Variants in KLHL2 observed in about 807,000 individuals in gnomAD.
KLHL2 encodes the protein kelch like family member 2, also known as kelch-like protein 2.
KLHL2 carries 15 observed loss-of-function variants against 75.8 expected under a neutral mutation model. The observed-to-expected ratio is 0.20, with a 90% CI of 0.13 to 0.30. The LOEUF (loss-of-function observed/expected upper bound fraction) is 0.30, where lower values mean the gene tolerates loss of function less well. Among genes scored for constraint, KLHL2 ranks in the 10% least tolerant of loss-of-function variants. The pLI is 1.00. For missense variants in KLHL2, 381 were observed against 741.0 expected (o/e 0.51, Z 5.64); for synonymous variants, 214 against 251.9 (o/e 0.85, Z 1.42).
intron 6 of KLHL2, 71 bp from the exon 7 acceptor site, chr4:165,297,538 C>T: frequency 1.1e-6 from 1 of 874,020 alleles, no homozygotes; most frequent in Non-Finnish European, 2.0e-6. Context: ...AAAATGTAGT[C>T]TCATATTTTA....
intron 5 of KLHL2, among the ~76,000 whole-genome samples, chr4:165,276,089 C>T (rs1345663386): frequency 6.6e-6 from 1 of 152,212 alleles, no homozygotes; most frequent in Non-Finnish European, 1.5e-5. Flanking sequence ...GATCACACCA[C>T]TGCACTGTAG....
chr4:165,243,830 G>C (rs918721016), intron 4 of KLHL2, among the ~76,000 whole-genome samples: 5 of 152,220 alleles, frequency 3.3e-5, no homozygotes, highest in African/African-American at 1.2e-4. Flanking sequence ...TGTTGACATA[G>C]TTGAAAAAGC....
At chr4:165,306,268 G>A (rs140205521) in intron 9 of KLHL2, among the ~76,000 whole-genome samples, 65 of 152,268 alleles carry the variant, frequency 4.3e-4, no homozygotes, top group African/African-American at 1.5e-3. Flanking sequence ...GTAATGGAAC[G>A]TTTCTATGAT....
rs540190234 is a variant in KLHL2, at chr4:165,281,686, T to C, written c.545-12673T>C. ...TTCATTTCATGATTAGCTTATTTTATTTCCTAGAGGGAAACAGAAAAGTTC... is the reference window on the plus strand; with the variant it reads ...TTCATTTCATGATTAGCTTATTTTACTTCCTAGAGGGAAACAGAAAAGTTC... On this transcript the variant is annotated intron_variant, in intron 5 of 14. Coordinates refer to ENST00000226725, the MANE Select transcript of KLHL2 (RefSeq NM_007246.4). Among the ~76,000 whole-genome samples, 23 of 152,338 alleles carry C rather than the reference T, an allele frequency of 1.5e-4. No individual in the cohort carries two copies. The South Asian group carries it at 4.6e-3, about 30-fold the overall frequency.
intron 8 of KLHL2, among the ~76,000 whole-genome samples, chr4:165,304,533 G>C (rs1745585910): frequency 6.6e-6 from 1 of 151,898 alleles, no homozygotes; most frequent in Non-Finnish European, 1.5e-5. Flanking sequence ...TACAGTTTTT[G>C]ATTTGAGACA....
At chr4:165,281,777 A>G (rs150803334) in intron 5 of KLHL2, among the ~76,000 whole-genome samples, 25 of 152,354 alleles carry the variant, frequency 1.6e-4, no homozygotes, top group African/African-American at 5.1e-4. Context: ...TATTCCACAT[A>G]CATATATGGA....
At chr4:165,292,286 C>T (rs1744574883) in intron 5 of KLHL2, among the ~76,000 whole-genome samples, 1 of 152,074 alleles carries the variant, frequency 6.6e-6, no homozygotes, top group Non-Finnish European at 1.5e-5. Flanking sequence ...TTTGTAAATA[C>T]AAACATTTTA....
chr4:165,295,236 T>C (rs528849428), intron 6 of KLHL2, among the ~76,000 whole-genome samples: 2 of 152,340 alleles, frequency 1.3e-5, no homozygotes, highest in East Asian at 3.9e-4. Context: ...GAAATGAAAC[T>C]TGAGTTTCTC....
chr4:165,280,323 C>T (rs1404407660), intron 5 of KLHL2, among the ~76,000 whole-genome samples: 1 of 152,182 alleles, frequency 6.6e-6, no homozygotes, highest in African/African-American at 2.4e-5. Flanking sequence ...TTGGAATATG[C>T]ATTATTCTCT....
At chr4:165,296,193 T>C (rs1744895462) in intron 6 of KLHL2, among the ~76,000 whole-genome samples, 1 of 152,232 alleles carries the variant, frequency 6.6e-6, no homozygotes, top group Non-Finnish European at 1.5e-5. Context: ...TCAGTTCTTC[T>C]GCACATGGCA....
chr4:165,222,586 A>G (rs1469848896), intron 2 of KLHL2, among the ~76,000 whole-genome samples: 1 of 152,180 alleles, frequency 6.6e-6, no homozygotes, highest in Non-Finnish European at 1.5e-5. Flanking sequence ...CAACAACAAC[A>G]GTATTTTTAA....
At chr4:165,220,210 G>C (rs1351013385) in intron 2 of KLHL2, 151 bp downstream of exon 2, 23 of 1,304,828 alleles carry the variant, frequency 1.8e-5, no homozygotes, top group Non-Finnish European at 1.0e-6. Context: ...AAGGAAAAGA[G>C]CAAATAATTT....
At chr4:165,256,728 C>G (rs1201677089) in intron 4 of KLHL2, among the ~76,000 whole-genome samples, 2 of 152,124 alleles carry the variant, frequency 1.3e-5, no homozygotes, top group African/African-American at 4.8e-5. Context: ...CACCACTTAA[C>G]AAATACATAA....
At chr4:165,220,124 T>C (rs1181248531) in intron 2 of KLHL2, 65 bp downstream of exon 2, 5 of 1,543,808 alleles carry the variant, frequency 3.2e-6, no homozygotes, top group Non-Finnish European at 4.4e-6. Context: ...TTGTTTGTAG[T>C]GAATATATAA....
intron 3 of KLHL2, among the ~76,000 whole-genome samples, chr4:165,235,248 T>C (rs1739240025): frequency 6.6e-6 from 1 of 152,288 alleles, no homozygotes; most frequent in Non-Finnish European, 1.5e-5. Context: ...TCACCCAGGC[T>C]AGAGTGCAGT....
chr4:165,220,402 AT>A (rs1737892423), intron 2 of KLHL2, among the ~76,000 whole-genome samples: 1 of 152,096 alleles, frequency 6.6e-6, no homozygotes, highest in Admixed American at 6.5e-5. Context: ...AGAAATGATA[AT>A]ATACTAGATA....
At chr4:165,316,877 T>C (rs1746625565) in intron 13 of KLHL2, among the ~76,000 whole-genome samples, 1 of 152,156 alleles carries the variant, frequency 6.6e-6, no homozygotes, top group South Asian at 2.1e-4. Context: ...TAAAGTAGCA[T>C]GTGTAGTGTG....
chr4:165,295,513 T>C (rs1325157524), intron 6 of KLHL2, among the ~76,000 whole-genome samples: 2 of 152,158 alleles, frequency 1.3e-5, no homozygotes, highest in Admixed American at 1.3e-4. Flanking sequence ...AGAATAGAAT[T>C]TGTTACTCAT....
intron 3 of KLHL2, among the ~76,000 whole-genome samples, chr4:165,229,988 G>A (rs1282086989): frequency 6.6e-6 from 1 of 152,248 alleles, no homozygotes; most frequent in South Asian, 2.1e-4. Flanking sequence ...AAATAATCAG[G>A]AATGAAGAAG....
Sources: gnomAD v4.1 joint callset for allele counts (sites outside exome capture counted in the v4.1 genomes callset) on GRCh38, gnomAD v4.1.1 for gene constraint, MANE v1.5 for transcripts, NCBI Gene and HGNC (gene_info 2026-07-23, HGNC 2026-07-21) for gene names.